Variants in SESN1 observed in about 807,000 individuals in gnomAD.
SESN1 encodes the protein sestrin-1.
In SESN1, 30 loss-of-function variants were observed where a neutral mutation model predicts 59.3. That is an observed-to-expected ratio of 0.51 (90% CI 0.38 to 0.69). The LOEUF (loss-of-function observed/expected upper bound fraction) is 0.69, where lower values mean the gene tolerates loss of function less well. Among genes scored for constraint, SESN1 ranks in the 30% least tolerant of loss-of-function variants. The pLI, the probability that SESN1 is intolerant of heterozygous loss-of-function variation, is 0.00. For missense variants in SESN1, 566 were observed against 673.0 expected, an observed-to-expected ratio of 0.84 and a Z score of 1.76; for synonymous variants, 197 against 219.9, an observed-to-expected ratio of 0.90 and a Z score of 0.92.
chr6:109,045,874 T>C (rs896798806), intron 1 of SESN1, among the ~76,000 whole-genome samples: 3 of 152,208 alleles, frequency 2.0e-5, no homozygotes, highest in Non-Finnish European at 4.4e-5. Flanking sequence ...AGATAATACA[T>C]GTTTCTGAAA....
chr6:109,083,695 A>G (rs1781161936), intron 1 of SESN1, among the ~76,000 whole-genome samples: 1 of 152,246 alleles, frequency 6.6e-6, no homozygotes, highest in Admixed American at 6.5e-5. Flanking sequence ...TTACACTGTG[A>G]GAAAACCTGT....
At chr6:109,033,357 A>G (rs1185880265) in intron 1 of SESN1, among the ~76,000 whole-genome samples, 4 of 152,378 alleles carry the variant, frequency 2.6e-5, no homozygotes, top group Non-Finnish European at 5.9e-5. Context: ...TTATTTCCCA[A>G]GAAGCCTCTT....
chr6:109,057,003 C>A (rs1780642450), intron 1 of SESN1, among the ~76,000 whole-genome samples: 1 of 152,190 alleles, frequency 6.6e-6, no homozygotes, highest in Admixed American at 6.5e-5. Context: ...GAGAGAAGTC[C>A]ACTGCCATGC....
intron 1 of SESN1, among the ~76,000 whole-genome samples, chr6:109,002,633 C>A (rs1264926986): frequency 6.6e-6 from 1 of 152,200 alleles, no homozygotes; most frequent in Middle Eastern, 3.2e-3. Flanking sequence ...TAGCAGCCAA[C>A]CCTGTGGATC....
chr6:109,026,355 T>A (rs1381477719), intron 1 of SESN1, among the ~76,000 whole-genome samples: 1 of 152,180 alleles, frequency 6.6e-6, no homozygotes, highest in Non-Finnish European at 1.5e-5. Flanking sequence ...AAGTTCTTTG[T>A]ATTTAAGATT....
chr6:109,047,038 A>G, intron 1 of SESN1, among the ~76,000 whole-genome samples: 1 of 4,958 alleles, frequency 2.0e-4, no homozygotes, highest in African/African-American at 9.0e-4. Context: ...TCCGGGAGGG[A>G]GGTGGGGGGT....
At chr6:108,993,358 G>A (rs188151705) in intron 6 of SESN1, among the ~76,000 whole-genome samples, 2 of 152,234 alleles carry the variant, frequency 1.3e-5, no homozygotes, top group South Asian at 2.1e-4. Context: ...TTACAGTGCT[G>A]CCTGCACTGT....
intron 1 of SESN1, chr6:109,009,699 G>A (rs1032583711): frequency 7.4e-5 from 25 of 339,038 alleles, no homozygotes; most frequent in Non-Finnish European, 9.1e-5. Context: ...GGGAACTGGC[G>A]GTCTGACGCG....
At chr6:109,040,756 G>A (rs910805510) in intron 1 of SESN1, among the ~76,000 whole-genome samples, 4 of 151,426 alleles carry the variant, frequency 2.6e-5, no homozygotes, top group Non-Finnish European at 5.9e-5. Flanking sequence ...GGGTTCAAGC[G>A]ATTCTCCCGC....
intron 1 of SESN1, among the ~76,000 whole-genome samples, chr6:109,004,391 A>G (rs1010845195): frequency 6.6e-6 from 1 of 152,116 alleles, no homozygotes; most frequent in Non-Finnish European, 1.5e-5. Flanking sequence ...AAAGGGCTAA[A>G]TTTTAAAGAA....
At chr6:109,064,574 A>AGGG (rs1411459505) in intron 1 of SESN1, among the ~76,000 whole-genome samples, 1 of 79,590 alleles carries the variant, frequency 1.3e-5, no homozygotes, top group African/African-American at 6.0e-5. Flanking sequence ...AGAGGAGGGG[A>AGGG]GAGGAGAGGA....
chr6:108,988,832 C>G (rs1264906519), intron 8 of SESN1, 145 bp from the exon 9 acceptor site: 3 of 593,170 alleles, frequency 5.1e-6, no homozygotes, highest in Non-Finnish European at 8.5e-6. Flanking sequence ...AGCTTTATAA[C>G]TGCAGATGAA....
intron 8 of SESN1, 148 bp from the exon 9 acceptor site, chr6:108,988,835 C>T: frequency 1.7e-6 from 1 of 586,246 alleles, no homozygotes; most frequent in Admixed American, 3.5e-5. Flanking sequence ...TTTATAACTG[C>T]AGATGAATAA....
At chr6:109,053,015 T>A (rs1780567635) in intron 1 of SESN1, among the ~76,000 whole-genome samples, 1 of 152,122 alleles carries the variant, frequency 6.6e-6, no homozygotes, top group African/African-American at 2.4e-5. Flanking sequence ...TATACGTCAC[T>A]ATTCAATAAA....
At position 108,998,287 on chromosome 6, in the gene SESN1, G is replaced by T. The variant is rs564061415; in HGVS notation, c.972+226C>A. ...ATTATCTAAATGTAAACTCCTACAG[G>T]GTCTTAGAGTTTTGTACATCACTTT... On this transcript the variant is annotated intron_variant, in intron 5 of 9. Transcript: ENST00000436639. Among the ~76,000 whole-genome samples, 7 of 152,130 alleles carry T rather than the reference G, an allele frequency of 4.6e-5. No individual in the cohort carries two copies. The South Asian group carries it at 1.5e-3, about 32-fold the overall frequency.
chr6:109,011,357 T>C (rs1381158236), intron 1 of SESN1, among the ~76,000 whole-genome samples: 3 of 152,226 alleles, frequency 2.0e-5, no homozygotes, highest in Admixed American at 2.0e-4. Flanking sequence ...TTTCAAATTA[T>C]TATTTAATGC....
chr6:108,990,515 A>G, intron 8 of SESN1, 130 bp downstream of exon 8: 1 of 819,290 alleles, frequency 1.2e-6, no homozygotes, highest in Non-Finnish European at 2.0e-6. Context: ...CATAAATAGC[A>G]TAAAAATAAG....
chr6:108,992,282 A>G (rs950914122), intron 7 of SESN1, among the ~76,000 whole-genome samples: 1 of 151,650 alleles, frequency 6.6e-6, no homozygotes. Context: ...TTTATTTTTT[A>G]TTTTTATTTT....
chr6:109,062,386 A>G (rs913620872), intron 1 of SESN1, among the ~76,000 whole-genome samples: 4 of 152,220 alleles, frequency 2.6e-5, no homozygotes, highest in East Asian at 1.9e-4. Flanking sequence ...GGAAGAGCAC[A>G]TTGCAAGATG....
Sources: gnomAD v4.1 joint callset for allele counts (sites outside exome capture counted in the v4.1 genomes callset) on GRCh38, gnomAD v4.1.1 for gene constraint, MANE v1.5 for transcripts, NCBI Gene and HGNC (gene_info 2026-07-23, HGNC 2026-07-21) for gene names.